SNTB1: variants seen among roughly 807,000 people sequenced by gnomAD.
SNTB1 encodes the protein syntrophin beta 1, also known as beta-1-syntrophin.
Under a neutral mutation model 48.9 loss-of-function variants are expected in SNTB1, and 36 were observed. The observed-to-expected ratio is 0.74, with a 90% CI of 0.56 to 0.97. The LOEUF is 0.97. Among genes scored for constraint, SNTB1 ranks in the 50% least tolerant of loss-of-function variants. The pLI, the probability that SNTB1 is intolerant of heterozygous loss-of-function variation, is 0.00. For missense variants in SNTB1, 786 were observed against 703.4 expected (o/e 1.12, Z -1.33); for synonymous variants, 299 against 294.6 (o/e 1.01, Z -0.15).
At chr8:120,789,296 T>G (rs1325043222) in intron 1 of SNTB1, among the ~76,000 whole-genome samples, 1 of 149,200 alleles carries the variant, frequency 6.7e-6, no homozygotes, top group Non-Finnish European at 1.5e-5. Flanking sequence ...GTTTGAAAGA[T>G]CAAAAATTGA....
rs1260061463 is a variant in SNTB1 at position 120,639,518 on chromosome 8, CATTTA to C, written c.789-6872_789-6868del. ...AGGGTTTTTATGGTTTTAGGTCTAA[CATTTA>C]AGTCTTTAATCCATATTGAATTAAT... is the stretch of plus-strand genomic sequence containing the variant. On this transcript the variant is annotated intron_variant, in intron 2 of 6. Transcript: ENST00000517992. 2.6e-5 allele frequency among the ~76,000 whole-genome samples: 4 copies of C among 152,142 alleles called. No homozygotes were observed. In the East Asian group the frequency reaches 7.7e-4, roughly 29 times the overall value.
chr8:120,640,637 C>G (rs979549064), intron 2 of SNTB1, among the ~76,000 whole-genome samples: 1 of 152,262 alleles, frequency 6.6e-6, no homozygotes, highest in East Asian at 1.9e-4. Flanking sequence ...TTGAGATAAC[C>G]ATGTGGTTTT....
At chr8:120,700,761 T>C (rs906055851) in intron 1 of SNTB1, among the ~76,000 whole-genome samples, 1 of 152,184 alleles carries the variant, frequency 6.6e-6, no homozygotes, top group East Asian at 1.9e-4. Context: ...GTTGGCCAGA[T>C]GACATTTGAA....
intron 6 of SNTB1, 65 bp from the exon 7 acceptor site, chr8:120,539,034 T>C: frequency 7.9e-7 from 1 of 1,272,768 alleles, no homozygotes; most frequent in South Asian, 1.4e-5. Context: ...ATGGGTGATT[T>C]GCACATCAAA....
chr8:120,693,229 G>A (rs902956118), intron 2 of SNTB1, among the ~76,000 whole-genome samples: 8 of 152,098 alleles, frequency 5.3e-5, no homozygotes, highest in African/African-American at 1.7e-4. Flanking sequence ...CCTCTCACTG[G>A]ACCCCCATCT....
intron 1 of SNTB1, among the ~76,000 whole-genome samples, chr8:120,773,540 G>T (rs567081854): frequency 7.8e-4 from 118 of 152,160 alleles, no homozygotes; most frequent in Middle Eastern, 6.8e-3. Flanking sequence ...GTGTTCCATG[G>T]TAGCCCCTGA....
chr8:120,649,701 CGAGCTTCCCG>C (rs1203087186), intron 2 of SNTB1, among the ~76,000 whole-genome samples: 1 of 151,854 alleles, frequency 6.6e-6, no homozygotes, highest in Non-Finnish European at 1.5e-5. Flanking sequence ...CCACCCAGTT[CGAGCTTCCCG>C]GCTGCTTTGT....
intron 1 of SNTB1, among the ~76,000 whole-genome samples, chr8:120,714,817 G>T (rs1429307381): frequency 6.6e-6 from 1 of 152,174 alleles, no homozygotes; most frequent in African/African-American, 2.4e-5. Flanking sequence ...CCTCAAAGTT[G>T]CAGCAAGCCA....
intron 1 of SNTB1, among the ~76,000 whole-genome samples, chr8:120,789,693 A>T (rs1388519786): frequency 6.6e-6 from 1 of 151,990 alleles, no homozygotes; most frequent in African/African-American, 2.4e-5. Context: ...AGGAAGAAAT[A>T]GACATCCTGA....
chr8:120,674,076 G>C (rs1410443794), intron 2 of SNTB1, among the ~76,000 whole-genome samples: 1 of 152,182 alleles, frequency 6.6e-6, no homozygotes, highest in Non-Finnish European at 1.5e-5. Flanking sequence ...TTGTAAAGGA[G>C]AGTTTTTTTC....
chr8:120,738,081 CT>C (rs1327986067), intron 1 of SNTB1, among the ~76,000 whole-genome samples: 1 of 152,032 alleles, frequency 6.6e-6, no homozygotes, highest in African/African-American at 2.4e-5. Context: ...TCATAAGGAC[CT>C]CATGAATGAG....
intron 3 of SNTB1, among the ~76,000 whole-genome samples, chr8:120,589,672 G>A (rs1056509708): frequency 6.6e-6 from 1 of 152,098 alleles, no homozygotes; most frequent in Non-Finnish European, 1.5e-5. Flanking sequence ...CTCATATGGT[G>A]GAAGGAGCTA....
At chr8:120,673,923 T>C (rs1200147877) in intron 2 of SNTB1, among the ~76,000 whole-genome samples, 1 of 152,156 alleles carries the variant, frequency 6.6e-6, no homozygotes, top group Non-Finnish European at 1.5e-5. Context: ...ATGCAACTCT[T>C]ACAAGTAGGC....
intron 1 of SNTB1, among the ~76,000 whole-genome samples, chr8:120,747,209 A>G (rs1428873032): frequency 2.6e-5 from 4 of 152,244 alleles, no homozygotes; most frequent in Admixed American, 2.6e-4. Context: ...TGTCCCTTGC[A>G]GGGACATGGA....
chr8:120,655,124 G>T, intron 2 of SNTB1: 1 of 268,674 alleles, frequency 3.7e-6, no homozygotes, highest in Non-Finnish European at 7.5e-6. Context: ...CCACCTTTCT[G>T]CTTTTCTGTA....
chr8:120,707,606 A>G (rs983827573), intron 1 of SNTB1, among the ~76,000 whole-genome samples: 3 of 152,220 alleles, frequency 2.0e-5, no homozygotes, highest in Non-Finnish European at 4.4e-5. Flanking sequence ...GGTGAGCATC[A>G]GTGAATGGAT....
chr8:120,723,291 A>T (rs1818698020), intron 1 of SNTB1, among the ~76,000 whole-genome samples: 1 of 152,232 alleles, frequency 6.6e-6, no homozygotes, highest in Admixed American at 6.5e-5. Context: ...GCTGTATATG[A>T]CATATTATAT....
chr8:120,648,427 G>A (rs1379736134), intron 2 of SNTB1, among the ~76,000 whole-genome samples: 25 of 149,902 alleles, frequency 1.7e-4, no homozygotes, highest in African/African-American at 5.5e-4. Context: ...CACTTATGAA[G>A]CTTAGTTTGG....
chr8:120,768,035 C>T (rs1819556955), intron 1 of SNTB1, among the ~76,000 whole-genome samples: 1 of 152,128 alleles, frequency 6.6e-6, no homozygotes, highest in Admixed American at 6.5e-5. Context: ...TTTAAAATTG[C>T]AACTGCATTC....
Sources: gnomAD v4.1 joint callset for allele counts (sites outside exome capture counted in the v4.1 genomes callset) on GRCh38, gnomAD v4.1.1 for gene constraint, MANE v1.5 for transcripts, NCBI Gene and HGNC (gene_info 2026-07-23, HGNC 2026-07-21) for gene names.